DGLUCY: variants seen among roughly 807,000 people sequenced by gnomAD.
DGLUCY encodes D-glutamate cyclase, mitochondrial.
DGLUCY carries 58 observed loss-of-function variants against 58.5 expected under a neutral mutation model. The ratio of observed to expected loss-of-function variants is 0.99; its 90% CI spans 0.80 to 1.23. The LOEUF (loss-of-function observed/expected upper bound fraction) is 1.23, where lower values mean the gene tolerates loss of function less well. Ranked by LOEUF, DGLUCY falls within the 50% of genes most tolerant of loss-of-function variation. DGLUCY has a pLI of 0.00. For synonymous variants in DGLUCY, 325 were observed against 314.1 expected (o/e 1.03, Z -0.37); for missense variants, 779 against 784.7 (o/e 0.99, Z 0.09).
At chr14:91,077,793 G>A (rs1368530994) in intron 1 of DGLUCY, among the ~76,000 whole-genome samples, 1 of 149,438 alleles carries the variant, frequency 6.7e-6, no homozygotes, top group African/African-American at 2.5e-5. Context: ...AGGGAAGGAG[G>A]AAGGAAAGAA....
upstream of DGLUCY, among the ~76,000 whole-genome samples, chr14:91,111,246 GTGTATA>G (rs1411557926): frequency 5.3e-3 from 472 of 89,778 alleles, 7 homozygotes; most frequent in African/African-American, 8.1e-3. Flanking sequence ...GTGTGTGTGT[GTGTATA>G]TATCTATATA....
intron 1 of DGLUCY, among the ~76,000 whole-genome samples, chr14:91,078,115 G>A (rs1376893963): frequency 3.3e-5 from 5 of 152,000 alleles, no homozygotes; most frequent in African/African-American, 4.8e-5. Flanking sequence ...TGCAACCTCC[G>A]CCTCCAGGGT....
chr14:91,094,283 A>G (rs952380804), intron 1 of DGLUCY, among the ~76,000 whole-genome samples: 2 of 151,744 alleles, frequency 1.3e-5, no homozygotes, highest in Admixed American at 1.3e-4. Flanking sequence ...AAAAATAGAA[A>G]AATTAGCCGG....
intron 1 of DGLUCY, among the ~76,000 whole-genome samples, chr14:91,072,009 T>C (rs2043929467): frequency 6.6e-6 from 1 of 152,014 alleles, no homozygotes; most frequent in African/African-American, 2.4e-5. Context: ...CTTTAATGGC[T>C]GGAAAATAAT....
intron 1 of DGLUCY, chr14:91,148,605 G>A (rs2047139407): frequency 6.6e-6 from 1 of 152,108 alleles, no homozygotes; most frequent in Non-Finnish European, 1.5e-5. Context: ...GAACCAGAAG[G>A]TGCTAACAAA....
intron 6 of DGLUCY, among the ~76,000 whole-genome samples, chr14:91,174,836 T>C (rs1333226588): frequency 6.6e-6 from 1 of 152,172 alleles, no homozygotes; most frequent in African/African-American, 2.4e-5. Flanking sequence ...GTTCTGATGC[T>C]ATCTCCAGGT....
At chr14:91,112,204 G>A (rs1299171227), upstream of DGLUCY, among the ~76,000 whole-genome samples, 2 of 149,500 alleles carry the variant, frequency 1.3e-5, no homozygotes, top group African/African-American at 2.5e-5. Context: ...AGCCAACACC[G>A]CACCATTACA....
At chr14:91,171,121 A>C (rs1595829601) in intron 5 of DGLUCY, among the ~76,000 whole-genome samples, 1 of 152,092 alleles carries the variant, frequency 6.6e-6, no homozygotes, top group Non-Finnish European at 1.5e-5. Flanking sequence ...CCTTTGTAGG[A>C]GGTGGGAGCT....
At chr14:91,063,809 A>T (rs946923110) in intron 1 of DGLUCY, among the ~76,000 whole-genome samples, 2 of 152,184 alleles carry the variant, frequency 1.3e-5, no homozygotes, top group Non-Finnish European at 2.9e-5. Flanking sequence ...ATCCTGTGTG[A>T]AGTGGGAAGC....
At chr14:91,187,762 A>T (rs1282620474) in intron 8 of DGLUCY, among the ~76,000 whole-genome samples, 3 of 152,264 alleles carry the variant, frequency 2.0e-5, no homozygotes, top group African/African-American at 7.2e-5. Flanking sequence ...CTGTCCTCCG[A>T]GGACCCCACA....
rs79622928 is a variant in DGLUCY at position 91,163,524 on chromosome 14, G to A, written c.103+3127G>A. On this transcript the variant is annotated intron_variant, in intron 3 of 13. Coordinates refer to ENST00000256324, the MANE Select transcript of DGLUCY (RefSeq NM_001102368.3). ...TGTAGCGACTGTGATAATGAGCTCC[G>A]GGCCCTGCGATTTGAGCAGGAGCTG... Among the ~76,000 whole-genome samples the A allele has an allele frequency of 3.7e-3, 565 of 152,248 alleles. 3 individuals carry two copies. Among genetic ancestry groups the A allele is most frequent in the Non-Finnish European group, 5.7e-3 (386 of 68,010 alleles).
chr14:91,100,248 G>T (rs1200484682), intron 1 of DGLUCY, among the ~76,000 whole-genome samples: 1 of 152,014 alleles, frequency 6.6e-6, no homozygotes, highest in Admixed American at 6.6e-5. Flanking sequence ...AAATGTCATC[G>T]CTGGCAGTGC....
intron 1 of DGLUCY, among the ~76,000 whole-genome samples, chr14:91,071,254 G>C (rs1353095035): frequency 6.7e-6 from 1 of 148,682 alleles, no homozygotes; most frequent in South Asian, 2.1e-4. Context: ...GGAGAATGGT[G>C]TGAACTCAGG....
chr14:91,081,275 A>G (rs895914309), intron 1 of DGLUCY, among the ~76,000 whole-genome samples: 27 of 152,232 alleles, frequency 1.8e-4, no homozygotes, highest in Non-Finnish European at 3.8e-4. Flanking sequence ...TTCTACACAA[A>G]CAAGTACAAG....
At chr14:91,167,738 T>C (rs2048364611) in intron 4 of DGLUCY, 1 of 685,502 alleles carries the variant, frequency 1.5e-6, no homozygotes, top group South Asian at 1.5e-5. Flanking sequence ...GAGACAGAGA[T>C]ATTGTGTCTG....
At chr14:91,172,252 T>G (rs550589819) in intron 5 of DGLUCY, among the ~76,000 whole-genome samples, 51 of 152,024 alleles carry the variant, frequency 3.4e-4, no homozygotes, top group African/African-American at 1.2e-3. Flanking sequence ...TGGTTTTGGT[T>G]TTTTTTGGTA....
intron 8 of DGLUCY, among the ~76,000 whole-genome samples, chr14:91,183,170 A>G (rs1431221404): frequency 2.0e-5 from 3 of 151,506 alleles, no homozygotes; most frequent in Non-Finnish European, 4.4e-5. Flanking sequence ...TTGTTGTTGT[A>G]TTTTTAGTAG....
In DGLUCY at chr14:91,215,672, A is replaced by G. The variant is rs531894106; in HGVS notation, c.1716+116A>G. 2,244 of 1,590,046 alleles carry G rather than the reference A, an allele frequency of 1.4e-3. 5 individuals are homozygous for G. Among genetic ancestry groups the G allele is most frequent in the Middle Eastern group, 4.3e-3 (26 of 6,014 alleles). ...GGCACCCTGCTGCCCCTCAAAAGCCAGAGGCAGAGCCAGCCTTGAAGCAGA... is the reference window on the plus strand; with the variant it reads ...GGCACCCTGCTGCCCCTCAAAAGCCGGAGGCAGAGCCAGCCTTGAAGCAGA... On this transcript the variant is annotated intron_variant, in intron 13 of 13. Transcript: ENST00000256324.
At chr14:91,077,597 C>CAA in intron 1 of DGLUCY, among the ~76,000 whole-genome samples, 1 of 151,776 alleles carries the variant, frequency 6.6e-6, no homozygotes, top group African/African-American at 2.4e-5. Flanking sequence ...ATTAAAAATA[C>CAA]AAAAATTAGC....
Sources: gnomAD v4.1 joint callset for allele counts (sites outside exome capture counted in the v4.1 genomes callset) on GRCh38, gnomAD v4.1.1 for gene constraint, MANE v1.5 for transcripts, NCBI Gene and HGNC (gene_info 2026-07-23, HGNC 2026-07-21) for gene names.